RABGAP1L: variants seen among roughly 807,000 people sequenced by gnomAD.
The protein encoded by RABGAP1L is RAB GTPase activating protein 1 like.
Under a neutral mutation model 137.7 loss-of-function variants are expected in RABGAP1L, and 63 were observed. That is an observed-to-expected ratio of 0.46 (90% CI 0.37 to 0.56). The LOEUF (loss-of-function observed/expected upper bound fraction) is 0.56. Among genes scored for constraint, RABGAP1L ranks in the 20% least tolerant of loss-of-function variants. The probability of loss-of-function intolerance (pLI) is 0.00; values close to 1 mark genes in which losing one functional copy is unlikely to be tolerated. For synonymous variants in RABGAP1L, 431 were observed against 433.7 expected, an observed-to-expected ratio of 0.99 and a Z score of 0.08; for missense variants, 1,095 against 1,244.0, an observed-to-expected ratio of 0.88 and a Z score of 1.80.
intron 13 of RABGAP1L, among the ~76,000 whole-genome samples, chr1:174,573,769 AAT>A (rs1553201147): frequency 7.5e-4 from 114 of 152,310 alleles, no homozygotes; most frequent in Admixed American, 1.6e-3. Context: ...CAAAAAAAAA[AAT>A]AAAGTTGCTG....
intron 19 of RABGAP1L, among the ~76,000 whole-genome samples, chr1:174,910,424 G>C (rs1659868909): frequency 6.6e-6 from 1 of 152,062 alleles, no homozygotes; most frequent in Non-Finnish European, 1.5e-5. Flanking sequence ...CAATAATAAA[G>C]ACCATAAATG....
chr1:174,530,164 G>GGCA (rs1278725835), intron 13 of RABGAP1L, among the ~76,000 whole-genome samples: 1 of 146,444 alleles, frequency 6.8e-6, no homozygotes, highest in Admixed American at 6.8e-5. Flanking sequence ...CCAGTGGCAA[G>GGCA]GCAGCAGCAC....
chr1:174,486,223 C>CTTTTTTTTTTTTTTTTTTGTTTTTTTTTT (rs201692363), intron 13 of RABGAP1L, among the ~76,000 whole-genome samples: 1 of 119,878 alleles, frequency 8.3e-6, no homozygotes, highest in East Asian at 2.5e-4. Context: ...GTTCTTTTTT[C>CTTTTTTTTTTTTTTTTTTGTTTTTTTTTT]TTTTTTTTTT....
intron 18 of RABGAP1L, among the ~76,000 whole-genome samples, chr1:174,803,897 A>G (rs1031481791): frequency 6.6e-6 from 1 of 151,772 alleles, no homozygotes; most frequent in Non-Finnish European, 1.5e-5. Context: ...ACATGGCAAA[A>G]TCCCATCTCT....
At chr1:174,919,082 G>A (rs1429332588) in intron 19 of RABGAP1L, among the ~76,000 whole-genome samples, 1 of 150,164 alleles carries the variant, frequency 6.7e-6, no homozygotes, top group Non-Finnish European at 1.5e-5. Context: ...GCAATGGCAC[G>A]ATCTCGGCTC....
At chr1:174,195,697 CTTCTTTCCTTCTTTCTT>C (rs1558021478) in intron 1 of RABGAP1L, among the ~76,000 whole-genome samples, 24 of 92,786 alleles carry the variant, frequency 2.6e-4, no homozygotes, top group Admixed American at 4.5e-4. Context: ...TCCTTCTTTC[CTTCTTTCCTTCTTTCTT>C]TTCTTTCTTT....
intron 11 of RABGAP1L, among the ~76,000 whole-genome samples, chr1:174,346,448 T>C (rs1159839894): frequency 1.3e-5 from 2 of 152,170 alleles, no homozygotes; most frequent in African/African-American, 4.8e-5. Context: ...AGGTTTTGGA[T>C]TTCTTCATGG....
chr1:174,439,186 T>A (rs1220451838), intron 13 of RABGAP1L, among the ~76,000 whole-genome samples: 1 of 152,058 alleles, frequency 6.6e-6, no homozygotes, highest in East Asian at 1.9e-4. Context: ...TATTTCACCA[T>A]TAAATATTAT....
At chr1:174,181,494 C>T (rs1246161748) in intron 1 of RABGAP1L, among the ~76,000 whole-genome samples, 3 of 152,022 alleles carry the variant, frequency 2.0e-5, no homozygotes, top group African/African-American at 4.8e-5. Flanking sequence ...CCTGCCACCA[C>T]GCCCAGCTCA....
chr1:174,787,681 C>T (rs1192154857), intron 18 of RABGAP1L, among the ~76,000 whole-genome samples: 1 of 152,076 alleles, frequency 6.6e-6, no homozygotes, highest in Non-Finnish European at 1.5e-5. Context: ...TGGATACTTT[C>T]AGACAATTGC....
intron 13 of RABGAP1L, among the ~76,000 whole-genome samples, chr1:174,541,459 T>C (rs1245914638): frequency 1.3e-5 from 2 of 152,086 alleles, no homozygotes; most frequent in Non-Finnish European, 2.9e-5. Flanking sequence ...TTTTGAGATA[T>C]GTCCCATCAA....
chr1:174,989,990 G>C lies in RABGAP1L; in HGVS notation c.3145G>C (p.Glu1049Gln). 6.5e-7 allele frequency: 1 copy of C among 1,544,718 alleles called. No homozygotes were observed. Among genetic ancestry groups the C allele is most frequent in the African/African-American group, 1.4e-5 (1 of 72,978 alleles). ...AGCACCGGTCACCCAGCCACCCAAGGAGAGCACATAGTTCCAGCCTTACCC... is the reference window on the plus strand; with the variant it reads ...AGCACCGGTCACCCAGCCACCCAAGCAGAGCACATAGTTCCAGCCTTACCC... ...QPAPVTQPPKEST is the reference protein window; with the variant it reads ...QPAPVTQPPKQST Residue 1049 changes from glutamate (E) to glutamine (Q), a missense_variant, in exon 26 of 26, where the codon GAG (glutamate) becomes CAG (glutamine). Glu to Gln is a conservative substitution (Grantham distance 29). Coordinates refer to ENST00000681986, the MANE Select transcript of RABGAP1L (RefSeq NM_001366446.1).
At chr1:174,623,102 T>G (rs1035814218) in intron 13 of RABGAP1L, among the ~76,000 whole-genome samples, 1 of 152,222 alleles carries the variant, frequency 6.6e-6, no homozygotes, top group African/African-American at 2.4e-5. Flanking sequence ...GGTTCTAATA[T>G]ATTTAGCTTT....
chr1:174,180,631 A>AT lies in RABGAP1L; in HGVS notation c.-34+20980dup, dbSNP rs561752637. Among the ~76,000 whole-genome samples, 26 of 152,076 alleles carry AT rather than the reference A, an allele frequency of 1.7e-4. No homozygotes were observed. The East Asian group carries it at 4.6e-3, about 27-fold the overall frequency. On this transcript the variant is annotated intron_variant, in intron 1 of 25. Coordinates refer to ENST00000681986, the MANE Select transcript of RABGAP1L (RefSeq NM_001366446.1). Reference sequence around the variant, plus strand: ...AGGCATATGCCACCACGCCTGGCTAATTTTTTATATTTTTTTGTAGAGACA... The same window carrying AT: ...AGGCATATGCCACCACGCCTGGCTAATTTTTTTATATTTTTTTGTAGAGACA...
At chr1:174,404,393 T>A (rs1183194018) in intron 13 of RABGAP1L, among the ~76,000 whole-genome samples, 1 of 152,176 alleles carries the variant, frequency 6.6e-6, no homozygotes, top group Non-Finnish European at 1.5e-5. Context: ...GAGAGTTAAA[T>A]CAGTATGTTC....
chr1:174,869,995 C>T (rs1651922163), intron 19 of RABGAP1L, among the ~76,000 whole-genome samples: 1 of 152,110 alleles, frequency 6.6e-6, no homozygotes, highest in Non-Finnish European at 1.5e-5. Flanking sequence ...TAGTAGCAGC[C>T]CAAACAGACT....
intron 1 of RABGAP1L, among the ~76,000 whole-genome samples, chr1:174,175,862 T>C (rs1008527677): frequency 2.0e-5 from 3 of 152,124 alleles, no homozygotes; most frequent in African/African-American, 7.2e-5. Context: ...TGACCTCAGG[T>C]GATCTGCCCT....
chr1:174,691,615 A>G (rs1678882317), intron 15 of RABGAP1L, among the ~76,000 whole-genome samples: 2 of 152,208 alleles, frequency 1.3e-5, no homozygotes, highest in South Asian at 4.1e-4. Flanking sequence ...ATGAAATAAC[A>G]CTGGTGATAA....
chr1:174,801,084 TG>T (rs1393696496), intron 18 of RABGAP1L, among the ~76,000 whole-genome samples: 3 of 152,250 alleles, frequency 2.0e-5, no homozygotes, highest in African/African-American at 7.2e-5. Flanking sequence ...CTGGGAAGTC[TG>T]ACTTGCTTGT....
Sources: allele counts gnomAD v4.1 joint callset (sites outside exome capture counted in the v4.1 genomes callset), GRCh38; gene constraint gnomAD v4.1.1; transcripts MANE v1.5; gene names NCBI Gene and HGNC (gene_info 2026-07-23, HGNC 2026-07-21).